RNF150: variants seen among roughly 807,000 people sequenced by gnomAD.
RNF150 encodes the protein ring finger protein 150.
Under a neutral mutation model 39.3 loss-of-function variants are expected in RNF150, and 24 were observed. The observed-to-expected ratio is 0.61, with a 90% confidence interval of 0.44 to 0.86. The LOEUF is 0.86. Ranked by LOEUF, RNF150 falls within the 40% of genes least tolerant of loss-of-function variation. RNF150 has a pLI of 0.00. For missense variants in RNF150, 502 were observed against 587.8 expected, an observed-to-expected ratio of 0.85 and a Z score of 1.51; for synonymous variants, 255 against 227.3, an observed-to-expected ratio of 1.12 and a Z score of -1.10.
chr4:141,198,581 C>G (rs903882420), intron 1 of RNF150, among the ~76,000 whole-genome samples: 4 of 152,084 alleles, frequency 2.6e-5, no homozygotes, highest in Admixed American at 6.5e-5. Context: ...ATGACAAGAG[C>G]GAAAAATGAT....
chr4:141,106,824 T>G (rs1739226658), intron 1 of RNF150, among the ~76,000 whole-genome samples: 1 of 151,998 alleles, frequency 6.6e-6, no homozygotes, highest in Non-Finnish European at 1.5e-5. Flanking sequence ...TATTATTCCA[T>G]CTACAATATT....
chr4:140,973,651 C>T (rs1210547451), intron 1 of RNF150, among the ~76,000 whole-genome samples: 2 of 151,674 alleles, frequency 1.3e-5, no homozygotes, highest in East Asian at 1.9e-4. Flanking sequence ...CTGAGGTGGG[C>T]GGATCACCTG....
intron 1 of RNF150, among the ~76,000 whole-genome samples, chr4:141,050,689 G>A (rs560874958): frequency 2.1e-4 from 32 of 152,310 alleles, no homozygotes; most frequent in African/African-American, 7.2e-4. Flanking sequence ...GCAAGAGGTG[G>A]GTTCCCATGG....
intron 1 of RNF150, among the ~76,000 whole-genome samples, chr4:140,972,389 G>T (rs992515139): frequency 2.0e-5 from 3 of 152,064 alleles, no homozygotes; most frequent in African/African-American, 7.2e-5. Flanking sequence ...AAAACTTCAT[G>T]ACCAAGTGGG....
At chr4:140,935,030 A>AT (rs1253374136) in intron 4 of RNF150, among the ~76,000 whole-genome samples, 2 of 10,318 alleles carry the variant, frequency 1.9e-4, no homozygotes, top group South Asian at 9.1e-3. Flanking sequence ...TTATATATTT[A>AT]TAATATATAT....
At chr4:141,091,646 T>G (rs1328157030) in intron 1 of RNF150, among the ~76,000 whole-genome samples, 1 of 152,138 alleles carries the variant, frequency 6.6e-6, no homozygotes, top group Non-Finnish European at 1.5e-5. Flanking sequence ...GGGGATCAAG[T>G]GTTGAGCTAG....
At chr4:141,169,371 A>G (rs1727662239) in intron 1 of RNF150, among the ~76,000 whole-genome samples, 1 of 152,204 alleles carries the variant, frequency 6.6e-6, no homozygotes, top group South Asian at 2.1e-4. Flanking sequence ...CAGCCTGAGG[A>G]ACCATGAGCC....
chr4:140,964,308 C>T (rs1733151194), intron 2 of RNF150, among the ~76,000 whole-genome samples: 1 of 152,022 alleles, frequency 6.6e-6, no homozygotes, highest in Admixed American at 6.6e-5. Flanking sequence ...GTGCTTACTT[C>T]CAACTCTGTA....
intron 2 of RNF150, among the ~76,000 whole-genome samples, chr4:140,954,308 G>A (rs926869620): frequency 6.6e-6 from 1 of 151,996 alleles, no homozygotes; most frequent in Admixed American, 6.6e-5. Context: ...TCTGCTTCTC[G>A]GGTTCAACTG....
chr4:141,162,374 C>T (rs971538835), intron 1 of RNF150, among the ~76,000 whole-genome samples: 3 of 152,180 alleles, frequency 2.0e-5, no homozygotes, highest in African/African-American at 7.2e-5. Context: ...AATGCCTACG[C>T]CTCATTGCAT....
At chr4:140,923,983 AG>A in intron 5 of RNF150, among the ~76,000 whole-genome samples, 1 of 147,036 alleles carries the variant, frequency 6.8e-6, no homozygotes, top group South Asian at 2.2e-4. Flanking sequence ...GGGTGGGGGA[AG>A]GGGGGAGGGA....
At position 141,040,247 on chromosome 4, in the gene RNF150, G is replaced by A. The variant is rs528314419; in HGVS notation, c.485-72374C>T. On this transcript the variant is annotated intron_variant, in intron 1 of 6. Transcript: ENST00000515673. ...TGTTGACTATCAGGCTATCCCAGAA[G>A]ATGAAGAAATAAGAATTAACTAAAT... Among the ~76,000 whole-genome samples the A allele has an allele frequency of 5.3e-5, 8 of 152,128 alleles. No individual in the cohort carries two copies. The East Asian group carries it at 1.5e-3, about 29-fold the overall frequency.
At chr4:140,929,977 G>A (rs558578991) in intron 4 of RNF150, among the ~76,000 whole-genome samples, 30 of 152,196 alleles carry the variant, frequency 2.0e-4, no homozygotes, top group African/African-American at 6.3e-4. Flanking sequence ...GCTGGCCACC[G>A]TGGCGAAACC....
At chr4:141,035,060 G>A (rs1435459410) in intron 1 of RNF150, among the ~76,000 whole-genome samples, 2 of 152,142 alleles carry the variant, frequency 1.3e-5, no homozygotes, top group African/African-American at 2.4e-5. Context: ...GCAAAAATAG[G>A]TATACTTGTA....
intron 1 of RNF150, among the ~76,000 whole-genome samples, chr4:140,976,889 T>C (rs73857159): frequency 0.017 from 2,599 of 152,120 alleles, 66 homozygotes; most frequent in African/African-American, 0.059. Flanking sequence ...ATGATCACTA[T>C]CCTCAGTTGA....
chr4:141,074,865 C>T (rs1737839339), intron 1 of RNF150, among the ~76,000 whole-genome samples: 1 of 152,222 alleles, frequency 6.6e-6, no homozygotes. Context: ...ATCCAGTTAA[C>T]CTCTTGCACT....
chr4:141,000,104 G>C (rs1447400977), intron 1 of RNF150, among the ~76,000 whole-genome samples: 1 of 143,900 alleles, frequency 6.9e-6, no homozygotes, highest in African/African-American at 2.5e-5. Context: ...AGAAGAAGAA[G>C]AAGAGGAGGA....
At chr4:141,049,486 G>C (rs1425785503) in intron 1 of RNF150, among the ~76,000 whole-genome samples, 1 of 151,950 alleles carries the variant, frequency 6.6e-6, no homozygotes, top group Non-Finnish European at 1.5e-5. Flanking sequence ...AAACTTCAAT[G>C]GATAAGTGGG....
At chr4:140,997,912 T>TGA (rs1313671191) in intron 1 of RNF150, among the ~76,000 whole-genome samples, 1 of 152,060 alleles carries the variant, frequency 6.6e-6, no homozygotes, top group Non-Finnish European at 1.5e-5. Flanking sequence ...GATAGAGGAA[T>TGA]GAGAGGGAGA....
Sources: allele counts gnomAD v4.1 joint callset (sites outside exome capture counted in the v4.1 genomes callset), GRCh38; gene constraint gnomAD v4.1.1; transcripts MANE v1.5; gene names NCBI Gene and HGNC (gene_info 2026-07-23, HGNC 2026-07-21).